CADM2: variants seen among roughly 807,000 people sequenced by gnomAD.
The protein encoded by CADM2 is cell adhesion molecule 2.
A neutral mutation model predicts 49.8 loss-of-function variants in CADM2; 12 were observed. The observed-to-expected ratio is 0.24, with a 90% CI of 0.15 to 0.39. CADM2 has a LOEUF of 0.39. Among genes scored for constraint, CADM2 ranks in the 10% least tolerant of loss-of-function variants. The pLI, the probability that CADM2 is intolerant of heterozygous loss-of-function variation, is 1.00. For synonymous variants in CADM2, 214 were observed against 175.4 expected (o/e 1.22, Z -1.74); for missense variants, 378 against 492.3 (o/e 0.77, Z 2.20).
chr3:85,104,501 T>C (rs867186919), intron 1 of CADM2, among the ~76,000 whole-genome samples: 11 of 152,116 alleles, frequency 7.2e-5, no homozygotes, highest in African/African-American at 1.9e-4. Flanking sequence ...AGTCAGGTAG[T>C]GTGATGCCTC....
intron 8 of CADM2, among the ~76,000 whole-genome samples, chr3:86,051,732 G>T (rs1737362099): frequency 6.6e-6 from 1 of 152,138 alleles, no homozygotes; most frequent in African/African-American, 2.4e-5. Flanking sequence ...CATGGCAGGT[G>T]CAGGAGGAAG....
intron 1 of CADM2, among the ~76,000 whole-genome samples, chr3:85,298,227 C>G (rs1396795006): frequency 6.6e-6 from 1 of 151,998 alleles, no homozygotes; most frequent in East Asian, 1.9e-4. Context: ...GCTTACAAAT[C>G]AAGTAGATTA....
At chr3:84,982,737 A>ATATATATT (rs1553663805) in intron 1 of CADM2, among the ~76,000 whole-genome samples, 1 of 115,370 alleles carries the variant, frequency 8.7e-6, no homozygotes, top group African/African-American at 3.5e-5. Flanking sequence ...ATATATATAC[A>ATATATATT]TTTTTTGTTT....
intron 8 of CADM2, among the ~76,000 whole-genome samples, chr3:85,967,576 T>C (rs1725625388): frequency 6.6e-6 from 1 of 151,622 alleles, no homozygotes; most frequent in Non-Finnish European, 1.5e-5. Context: ...TAGAGAGATA[T>C]ATCTCTCATG....
intron 1 of CADM2, among the ~76,000 whole-genome samples, chr3:85,534,139 T>G (rs899122347): frequency 6.6e-6 from 1 of 152,148 alleles, no homozygotes; most frequent in African/African-American, 2.4e-5. Flanking sequence ...AATTTTTTTT[T>G]AAGTTTAAAC....
chr3:85,098,555 T>C (rs2037890726), intron 1 of CADM2, among the ~76,000 whole-genome samples: 1 of 152,164 alleles, frequency 6.6e-6, no homozygotes. Context: ...TGTAATTTAT[T>C]ATCTCCTTAT....
chr3:85,906,104 C>T (rs1235048341), intron 5 of CADM2, among the ~76,000 whole-genome samples: 1 of 152,070 alleles, frequency 6.6e-6, no homozygotes, highest in Admixed American at 6.6e-5. Flanking sequence ...TTTTTATTTC[C>T]TTAAAGTTTA....
chr3:85,710,407 C>T lies in CADM2; in HGVS notation c.62-16115C>T, dbSNP rs973350458. ...GGAAAACAGGGACTTGTATCATTTACGCTATTTGTCCCAGAACATTATCAT... is the reference window on the plus strand; with the variant it reads ...GGAAAACAGGGACTTGTATCATTTATGCTATTTGTCCCAGAACATTATCAT... On this transcript the variant is annotated intron_variant, in intron 1 of 9. Coordinates refer to ENST00000383699, the MANE Select transcript of CADM2 (RefSeq NM_001167675.2). Among the ~76,000 whole-genome samples the T allele has an allele frequency of 2.0e-4, 30 of 152,022 alleles. 1 individual carries two copies. The highest frequency in any genetic ancestry group is 6.8e-4 in the African/African-American group (28 of 41,388).
chr3:85,996,365 C>T (rs1345304984), intron 8 of CADM2, among the ~76,000 whole-genome samples: 1 of 133,034 alleles, frequency 7.5e-6, no homozygotes, highest in African/African-American at 2.8e-5. Context: ...GTGGTGTGAT[C>T]TCAGCTCACT....
Position 85,942,456 on chromosome 3 carries a change from G to C in CADM2, c.791+6599G>C, listed in dbSNP as rs1722051319. 2.0e-5 allele frequency among the ~76,000 whole-genome samples: 3 copies of C among 151,436 alleles called. No individual in the cohort carries two copies. In the South Asian group the frequency reaches 6.3e-4, roughly 32 times the overall value. Reference sequence around the variant, plus strand: ...CCACTAACTTGTCATCTAGCATTAGGTATATCTCCCAGTGCTATCCCTCCC... The same window carrying C: ...CCACTAACTTGTCATCTAGCATTAGCTATATCTCCCAGTGCTATCCCTCCC... On this transcript the variant is annotated intron_variant, in intron 7 of 9. Transcript: ENST00000383699.
chr3:85,462,174 G>C (rs1318340010), intron 1 of CADM2, among the ~76,000 whole-genome samples: 2 of 152,046 alleles, frequency 1.3e-5, no homozygotes, highest in African/African-American at 4.8e-5. Context: ...ACCCAGGAGG[G>C]TATGCCCTTG....
intron 1 of CADM2, among the ~76,000 whole-genome samples, chr3:85,308,466 T>A (rs1206710731): frequency 6.6e-6 from 1 of 151,734 alleles, no homozygotes; most frequent in African/African-American, 2.4e-5. Flanking sequence ...TCAGAGAGAG[T>A]TAAGGCACAA....
chr3:85,987,137 A>C (rs1204012103), intron 8 of CADM2, among the ~76,000 whole-genome samples: 2 of 152,020 alleles, frequency 1.3e-5, no homozygotes, highest in Non-Finnish European at 2.9e-5. Context: ...GTATTTACTG[A>C]CTTGTTTGCT....
intron 1 of CADM2, among the ~76,000 whole-genome samples, chr3:85,386,695 A>T (rs572775490): frequency 1.5e-4 from 23 of 152,202 alleles, no homozygotes; most frequent in Non-Finnish European, 3.1e-4. Flanking sequence ...GGATAATTAA[A>T]AGAGACAATG....
chr3:85,534,714 A>AG (rs1437656866), intron 1 of CADM2, among the ~76,000 whole-genome samples: 2 of 152,202 alleles, frequency 1.3e-5, no homozygotes, highest in African/African-American at 4.8e-5. Context: ...AGGGCTATTA[A>AG]GGTGAATAGC....
chr3:85,826,371 A>G (rs953995045), intron 3 of CADM2, among the ~76,000 whole-genome samples: 16 of 152,118 alleles, frequency 1.1e-4, no homozygotes, highest in African/African-American at 3.9e-4. Context: ...CCATTAAAAC[A>G]ATGACAAATC....
intron 5 of CADM2, among the ~76,000 whole-genome samples, chr3:85,893,334 C>T (rs1413913022): frequency 2.6e-5 from 4 of 152,100 alleles, no homozygotes; most frequent in Non-Finnish European, 5.9e-5. Context: ...ACACCTTATA[C>T]AAAAATTAAT....
At chr3:85,365,182 G>GA (rs1559802006) in intron 1 of CADM2, among the ~76,000 whole-genome samples, 1 of 100,584 alleles carries the variant, frequency 9.9e-6, no homozygotes. Context: ...AATTGGGAGG[G>GA]TTTTTTTTTT....
chr3:85,468,153 C>CAAAAAAAAAAA (rs57721920), intron 1 of CADM2, among the ~76,000 whole-genome samples: 2 of 55,348 alleles, frequency 3.6e-5, no homozygotes, highest in African/African-American at 1.8e-4. Flanking sequence ...GACTCCGTCT[C>CAAAAAAAAAAA]AAAAAAAAAA....
Sources: allele counts gnomAD v4.1 joint callset (sites outside exome capture counted in the v4.1 genomes callset), GRCh38; gene constraint gnomAD v4.1.1; transcripts MANE v1.5; gene names NCBI Gene and HGNC (gene_info 2026-07-23, HGNC 2026-07-21).